The following ADAMTS12 variants were observed in gnomAD, a reference collection of about 807,000 sequenced individuals.
ADAMTS12 encodes the protein A disintegrin and metalloproteinase with thrombospondin motifs 12.
ADAMTS12 carries 118 observed loss-of-function variants against 167.8 expected under a neutral mutation model. That is an observed-to-expected ratio of 0.70 (90% CI 0.61 to 0.82). ADAMTS12 has a LOEUF of 0.82. Ranked by LOEUF, ADAMTS12 falls within the 40% of genes least tolerant of loss-of-function variation. The pLI is 0.00. For synonymous variants in ADAMTS12, 704 were observed against 716.9 expected (o/e 0.98, Z 0.29); for missense variants, 1,916 against 1,998.8 (o/e 0.96, Z 0.79).
intron 12 of ADAMTS12, among the ~76,000 whole-genome samples, chr5:33,636,690 A>G (rs1333627433): frequency 6.6e-6 from 1 of 152,226 alleles, no homozygotes; most frequent in African/African-American, 2.4e-5. Context: ...GAACTCAAAA[A>G]TCATGAAAAA....
At chr5:33,791,385 A>C (rs148791606) in intron 2 of ADAMTS12, among the ~76,000 whole-genome samples, 1 of 152,180 alleles carries the variant, frequency 6.6e-6, no homozygotes. Flanking sequence ...GTTGGTCTCA[A>C]TCTCTTTCAG....
chr5:33,619,022 T>A (rs1287820742), intron 14 of ADAMTS12, among the ~76,000 whole-genome samples: 2 of 152,200 alleles, frequency 1.3e-5, no homozygotes, highest in Admixed American at 6.5e-5. Flanking sequence ...GAGGCTGAAT[T>A]AGAGACATTT....
Position 33,891,838 on chromosome 5 carries a change from T to A in ADAMTS12, c.19A>T (p.Ser7Cys). 1 of 1,614,106 alleles carries A rather than the reference T, an allele frequency of 6.2e-7. No individual in the cohort carries two copies. The highest frequency in any genetic ancestry group is 1.1e-5 in the South Asian group (1 of 91,062). The change falls in exon 1 of 24, where the codon AGC becomes TGC. Residue 7 changes from serine to cysteine, a missense_variant. By Grantham distance (112) the Ser-to-Cys change is moderately radical. Coordinates refer to ENST00000504830, the MANE Select transcript of ADAMTS12 (RefSeq NM_030955.4). MPCAQR[S>C]WLANLSVVAQ... ...ACCACGGAAAGGTTTGCAAGCCAGC[T>A]CCTCTGGGCACATGGCATGATTCAG... is the stretch of plus-strand genomic sequence containing the variant.
In ADAMTS12 at chr5:33,807,860, A is replaced by C. The variant is rs112459367; in HGVS notation, c.490-56312T>G. Among the ~76,000 whole-genome samples, 1,449 of 152,306 alleles carry C rather than the reference A, an allele frequency of 9.5e-3. 33 individuals are homozygous for C. Among genetic ancestry groups the C allele is most frequent in the African/African-American group, 0.034 (1,395 of 41,546 alleles). On this transcript the variant is annotated intron_variant, in intron 2 of 23. Transcript: ENST00000504830. Reference sequence around the variant, plus strand: ...AGAAGCAGGTGTGGAAGGAGAGTGCAGTTATCTGACAACGAGTTGGAGCTG... The same window carrying C: ...AGAAGCAGGTGTGGAAGGAGAGTGCCGTTATCTGACAACGAGTTGGAGCTG...
rs149710500 is a variant in ADAMTS12, at chr5:33,870,052, G to A, written c.489+11067C>T. ...TTCTCTTACCAGTTTTTGGCAATAA[G>A]AGAAATATGGCTCTGTCCTGCCTGG... is the stretch of plus-strand genomic sequence containing the variant. On this transcript the variant is annotated intron_variant, in intron 2 of 23. Coordinates refer to ENST00000504830, the MANE Select transcript of ADAMTS12 (RefSeq NM_030955.4). 3.9e-4 allele frequency among the ~76,000 whole-genome samples: 60 copies of A among 152,292 alleles called. No homozygotes were observed. In the East Asian group the frequency reaches 0.011, roughly 28 times the overall value.
At chr5:33,819,185 T>A (rs1197101183) in intron 2 of ADAMTS12, among the ~76,000 whole-genome samples, 21 of 152,146 alleles carry the variant, frequency 1.4e-4, no homozygotes, top group Admixed American at 1.3e-3. Flanking sequence ...AAGGAGCATT[T>A]TCCTTATGTT....
intron 2 of ADAMTS12, among the ~76,000 whole-genome samples, chr5:33,773,118 A>C (rs58134922): frequency 0.15 from 22,708 of 152,128 alleles, 2,000 homozygotes; most frequent in East Asian, 0.4. Context: ...TTCTTGATGG[A>C]ATCTTTTGTT....
intron 2 of ADAMTS12, among the ~76,000 whole-genome samples, chr5:33,814,724 T>G (rs1400957197): frequency 6.6e-6 from 1 of 152,142 alleles, no homozygotes; most frequent in East Asian, 1.9e-4. Flanking sequence ...GAGAGGCAAG[T>G]GTACAACATG....
At chr5:33,855,237 C>G (rs1749356321) in intron 2 of ADAMTS12, among the ~76,000 whole-genome samples, 1 of 152,212 alleles carries the variant, frequency 6.6e-6, no homozygotes, top group Admixed American at 6.5e-5. Context: ...TGAGGCATGT[C>G]CCCTCTCTCA....
intron 3 of ADAMTS12, among the ~76,000 whole-genome samples, chr5:33,733,650 G>A (rs1048160137): frequency 1.3e-5 from 2 of 152,122 alleles, no homozygotes; most frequent in Non-Finnish European, 2.9e-5. Flanking sequence ...AACAAACATG[G>A]CCGTGCTTTG....
At position 33,577,175 on chromosome 5, in the gene ADAMTS12, C is replaced by G. The variant is rs745531836; in HGVS notation, c.2866-15G>C. 1.8e-5 allele frequency: 29 copies of G among 1,613,896 alleles called. No individual in the cohort carries two copies. Among genetic ancestry groups the G allele is most frequent in the Non-Finnish European group, 2.2e-5 (26 of 1,180,014 alleles). ...GAAACAGAACACTAGAAGAGAGAAA[C>G]AGCTGTTAGCCTGGCGAGAGAAGAT... On this transcript the variant is annotated splice_polypyrimidine_tract_variant and intron_variant, in intron 18 of 23. Transcript: ENST00000504830.
chr5:33,848,516 A>G (rs1001657272), intron 2 of ADAMTS12, among the ~76,000 whole-genome samples: 5 of 152,240 alleles, frequency 3.3e-5, no homozygotes, highest in African/African-American at 9.6e-5. Flanking sequence ...ACACATGTCT[A>G]CATCATGAGA....
intron 2 of ADAMTS12, among the ~76,000 whole-genome samples, chr5:33,798,844 T>C (rs1003025662): frequency 2.0e-5 from 3 of 152,166 alleles, no homozygotes; most frequent in Non-Finnish European, 4.4e-5. Context: ...ATAGTCACAT[T>C]GGGGGTTAGG....
At chr5:33,809,756 C>T (rs1037543307) in intron 2 of ADAMTS12, among the ~76,000 whole-genome samples, 4 of 151,884 alleles carry the variant, frequency 2.6e-5, no homozygotes, top group African/African-American at 9.7e-5. Context: ...GATGGAGGTG[C>T]AATTTCAAAT....
At chr5:33,684,188 A>G (rs62352066) in intron 3 of ADAMTS12, 133 bp from the exon 4 acceptor site, 21,566 of 606,238 alleles carry the variant, frequency 0.036, 992 homozygotes, top group East Asian at 0.16. Flanking sequence ...TTACGTACAT[A>G]ACCAAAATAG....
rs182693984 is a variant in ADAMTS12, at chr5:33,692,329, A to G, written c.635-8274T>C. ...ACAAAGTGGATGCCAGATGTTGAAG[A>G]AGATGGAATAATATAGAAGATAGAC... On this transcript the variant is annotated intron_variant, in intron 3 of 23. Transcript: ENST00000504830. Among the ~76,000 whole-genome samples the G allele has an allele frequency of 6.8e-3, 1,038 of 152,334 alleles. 51 individuals carry two copies. Among genetic ancestry groups the G allele is most frequent in the Admixed American group, 0.064 (985 of 15,298 alleles).
intron 2 of ADAMTS12, among the ~76,000 whole-genome samples, chr5:33,833,380 A>G (rs950155815): frequency 1.3e-5 from 2 of 152,204 alleles, no homozygotes; most frequent in East Asian, 3.9e-4. Context: ...AATCATTGCA[A>G]CATGAATTCT....
chr5:33,786,161 G>A lies in ADAMTS12; in HGVS notation c.490-34613C>T, dbSNP rs1017259630. ...CAATATTTGCTTGTGGCTGGGATAG[G>A]AATGCAGATTGCCAACAGGCATGAG... On this transcript the variant is annotated intron_variant, in intron 2 of 23. Coordinates refer to ENST00000504830, the MANE Select transcript of ADAMTS12 (RefSeq NM_030955.4). 2.0e-5 allele frequency among the ~76,000 whole-genome samples: 3 copies of A among 152,242 alleles called. No homozygotes were observed. The South Asian group carries it at 6.2e-4, about 32-fold the overall frequency.
At chr5:33,870,479 C>T (rs1749998053) in intron 2 of ADAMTS12, among the ~76,000 whole-genome samples, 1 of 152,160 alleles carries the variant, frequency 6.6e-6, no homozygotes, top group Admixed American at 6.5e-5. Flanking sequence ...TCAGCAGGTC[C>T]CTCTGTTTGG....
Sources: gnomAD v4.1 joint callset for allele counts (sites outside exome capture counted in the v4.1 genomes callset) on GRCh38, gnomAD v4.1.1 for gene constraint, MANE v1.5 for transcripts, NCBI Gene and HGNC (gene_info 2026-07-23, HGNC 2026-07-21) for gene names.